The following GALNT2 variants were observed in gnomAD, a reference collection of about 807,000 sequenced individuals.
GALNT2 encodes the protein UDP-GalNAc:polypeptide N-acetylgalactosaminyltransferase 2.
GALNT2 carries 31 observed loss-of-function variants against 81.4 expected under a neutral mutation model. That is an observed-to-expected ratio of 0.38 (90% confidence interval 0.29 to 0.51). The LOEUF (loss-of-function observed/expected upper bound fraction) is 0.51. Ranked by LOEUF, GALNT2 falls within the 20% of genes least tolerant of loss-of-function variation. The probability of loss-of-function intolerance (pLI) is 0.87; values close to 1 mark genes in which losing one functional copy is unlikely to be tolerated. For missense variants in GALNT2, 629 were observed against 765.7 expected, an observed-to-expected ratio of 0.82 and a Z score of 2.11; for synonymous variants, 303 against 287.4, an observed-to-expected ratio of 1.05 and a Z score of -0.55.
Position 230,281,635 on chromosome 1 carries a change from A to ACCCAGACC in GALNT2, c.*2179_*2186dup, listed in dbSNP as rs1271500680. The ACCCAGACC allele has an allele frequency of 6.6e-6, 1 of 152,122 alleles. No homozygotes were observed. Among genetic ancestry groups the ACCCAGACC allele is most frequent in the Non-Finnish European group, 1.5e-5 (1 of 68,020 alleles). 9.4% of individuals were successfully genotyped at this position (152,122 alleles called of 1,614,324 possible). ...AGCCTTCCTATCATCCCACGTGTCT[A>ACCCAGACC]CCCAGACCCTTGTGCGGCCCATGCC... On this transcript the variant is annotated 3_prime_UTR_variant, in exon 16 of 16. Coordinates refer to ENST00000366672, the MANE Select transcript of GALNT2 (RefSeq NM_004481.5).
intron 1 of GALNT2, among the ~76,000 whole-genome samples, chr1:230,096,277 A>G (rs901193139): frequency 1.3e-5 from 2 of 152,266 alleles, no homozygotes; most frequent in African/African-American, 4.8e-5. Flanking sequence ...GATATTAATT[A>G]TGTGCTTATC....
chr1:230,193,433 G>T lies in GALNT2; in HGVS notation c.221-9704G>T, dbSNP rs182288095. ...CGCAACTGAGAGTCCTCTAAAGACC[G>T]CATTTGTGCATGTGCCTGTGCGTGA... On this transcript the variant is annotated intron_variant, in intron 2 of 15. Transcript: ENST00000366672. This position sits in a 1 kb window ranked among gnomAD's most constrained non-coding sequence, Gnocchi z 4.3. 2.2e-4 allele frequency among the ~76,000 whole-genome samples: 34 copies of T among 152,262 alleles called. No homozygotes were observed. Among genetic ancestry groups the T allele is most frequent in the Non-Finnish European group, 4.0e-4 (27 of 68,018 alleles).
intron 1 of GALNT2, among the ~76,000 whole-genome samples, chr1:230,135,088 G>A (rs766785158): frequency 6.6e-6 from 1 of 151,840 alleles, no homozygotes; most frequent in African/African-American, 2.4e-5. Context: ...AGGTGCTAAG[G>A]GTTGTAAGAT....
intron 1 of GALNT2, among the ~76,000 whole-genome samples, chr1:230,109,802 C>T (rs1054866681): frequency 1.3e-5 from 2 of 151,748 alleles, no homozygotes; most frequent in African/African-American, 2.4e-5. Context: ...TGCCCTCCAG[C>T]CTGGGCAACA....
intron 1 of GALNT2, among the ~76,000 whole-genome samples, chr1:230,151,172 C>T (rs1232223049): frequency 1.3e-5 from 2 of 152,170 alleles, no homozygotes; most frequent in Non-Finnish European, 1.5e-5. Context: ...TGACGATCAC[C>T]GTGGCCACCG....
intron 1 of GALNT2, among the ~76,000 whole-genome samples, chr1:230,079,595 C>A (rs1359298769): frequency 6.6e-6 from 1 of 152,236 alleles, no homozygotes; most frequent in African/African-American, 2.4e-5. Context: ...AGGTTTCCCT[C>A]TTGCTGACGC....
intron 13 of GALNT2, chr1:230,264,628 G>T (rs1033302413): frequency 6.6e-6 from 1 of 152,308 alleles, no homozygotes; most frequent in Non-Finnish European, 1.5e-5. Flanking sequence ...TGCTTTACAC[G>T]AAATGTTCTA....
At chr1:230,156,387 A>G (rs991810065) in intron 1 of GALNT2, among the ~76,000 whole-genome samples, 3 of 151,914 alleles carry the variant, frequency 2.0e-5, no homozygotes, top group African/African-American at 7.3e-5. Flanking sequence ...TGGCTTCCAC[A>G]CTGGTTTGCA....
chr1:230,065,023 T>C (rs1233765066), upstream of GALNT2, among the ~76,000 whole-genome samples: 1 of 152,258 alleles, frequency 6.6e-6, no homozygotes, highest in Admixed American at 6.5e-5. Flanking sequence ...TTTTGACATG[T>C]ACATTTAAAT....
rs72647721 is a variant in GALNT2, at chr1:230,281,574, T to C, written c.*2116T>C. 0.048 allele frequency: 7,298 copies of C among 152,636 alleles called. 195 individuals carry two copies. Among genetic ancestry groups the C allele is most frequent in the Middle Eastern group, 0.064 (19 of 296 alleles). The allele number at this position is 152,636 out of a possible 1,614,324, so 9.5% of individuals were successfully genotyped here. A position where few individuals can be genotyped will look rare whatever the true frequency, so the allele number is the denominator to read the frequency against. On this transcript the variant is annotated 3_prime_UTR_variant, in exon 16 of 16. Coordinates refer to ENST00000366672, the MANE Select transcript of GALNT2 (RefSeq NM_004481.5). The stretch of plus-strand genomic sequence containing the variant: ...CGTTTTCTGACGAATCCTTTGCCCC[T>C]TCACCTTTACCCCGCCCGCACCCCT...
At chr1:230,133,567 C>T (rs1199303025) in intron 1 of GALNT2, among the ~76,000 whole-genome samples, 2 of 152,008 alleles carry the variant, frequency 1.3e-5, no homozygotes, top group Admixed American at 1.3e-4. Context: ...AATTCTCCTG[C>T]CTCAGCCTCC....
At chr1:230,162,721 C>A (rs1210302632) in intron 1 of GALNT2, among the ~76,000 whole-genome samples, 1 of 152,144 alleles carries the variant, frequency 6.6e-6, no homozygotes, top group African/African-American at 2.4e-5. Context: ...GTCATAAGAC[C>A]CACCCCTCCA....
upstream of GALNT2, among the ~76,000 whole-genome samples, chr1:230,063,116 G>T (rs1025595179): frequency 2.0e-5 from 3 of 152,058 alleles, no homozygotes; most frequent in Non-Finnish European, 4.4e-5. Flanking sequence ...TTTGCGACCA[G>T]CCTGGCCAAT....
At chr1:230,261,622 C>T (rs1665878777) in intron 11 of GALNT2, among the ~76,000 whole-genome samples, 1 of 152,228 alleles carries the variant, frequency 6.6e-6, no homozygotes, top group Non-Finnish European at 1.5e-5. Context: ...GCTTTTAATG[C>T]ATGTCAGACA....
At chr1:230,133,491 G>C (rs1661436161) in intron 1 of GALNT2, among the ~76,000 whole-genome samples, 1 of 150,166 alleles carries the variant, frequency 6.7e-6, no homozygotes, top group South Asian at 2.1e-4. Context: ...CTGTCGACCA[G>C]GCTGGAGGCT....
At chr1:230,137,674 A>T (rs925095015) in intron 1 of GALNT2, among the ~76,000 whole-genome samples, 1 of 152,238 alleles carries the variant, frequency 6.6e-6, no homozygotes, top group Non-Finnish European at 1.5e-5. Context: ...ATCTTGTCAC[A>T]GCTGTGGATG....
chr1:230,170,439 T>C (rs1159285753), intron 1 of GALNT2, among the ~76,000 whole-genome samples: 1 of 152,220 alleles, frequency 6.6e-6, no homozygotes, highest in Non-Finnish European at 1.5e-5. Flanking sequence ...CAATGGGGAT[T>C]TTTATTAAGA....
chr1:230,176,260 C>T (rs1440055652), intron 1 of GALNT2, among the ~76,000 whole-genome samples: 1 of 152,062 alleles, frequency 6.6e-6, no homozygotes, highest in African/African-American at 2.4e-5. Context: ...GCAAATCAAT[C>T]TTATTTGTGG....
intron 14 of GALNT2, among the ~76,000 whole-genome samples, chr1:230,267,577 G>A (rs917096431): frequency 6.6e-6 from 1 of 152,252 alleles, no homozygotes; most frequent in Non-Finnish European, 1.5e-5. Flanking sequence ...CCAGCCTTCA[G>A]CTATAGCCTG....
Sources: gnomAD v4.1 joint callset for allele counts (sites outside exome capture counted in the v4.1 genomes callset) on GRCh38, gnomAD v4.1.1 for gene constraint, Gnocchi (gnomAD v3.1) non-coding constraint, MANE v1.5 for transcripts, NCBI Gene and HGNC (gene_info 2026-07-23, HGNC 2026-07-21) for gene names.